MAP7D3: variants seen among roughly 807,000 people sequenced by gnomAD.
The protein encoded by MAP7D3 is MAP7 domain containing 3.
MAP7D3 carries 45 observed loss-of-function variants against 62.2 expected under a neutral mutation model. The observed-to-expected ratio is 0.72, with a 90% CI of 0.57 to 0.93. The LOEUF is 0.93. MAP7D3 is among the 40% of genes least tolerant of loss of function. The pLI, the probability that MAP7D3 is intolerant of heterozygous loss-of-function variation, is 0.00. For synonymous variants in MAP7D3, 288 were observed against 248.8 expected, an observed-to-expected ratio of 1.16 and a Z score of -1.48; for missense variants, 711 against 683.1, an observed-to-expected ratio of 1.04 and a Z score of -0.45.
chrX:136,215,439 T>G (rs1230287294), downstream of MAP7D3, among the ~76,000 whole-genome samples: 3 of 112,159 alleles, frequency 2.7e-5, no homozygotes, highest in Non-Finnish European at 5.6e-5. Flanking sequence ...GAGAGTCTAA[T>G]GTCTGACGGT....
At chrX:136,252,607 G>A (rs1258436272), upstream of MAP7D3, among the ~76,000 whole-genome samples, 4 of 96,317 alleles carry the variant, frequency 4.2e-5, no homozygotes, top group Non-Finnish European at 8.2e-5. Context: ...AACCCGGGAG[G>A]TGGAGTTTGC....
intron 16 of MAP7D3, chrX:136,219,879 C>G (rs766652254): frequency 6.5e-6 from 3 of 459,849 alleles, no homozygotes; most frequent in Non-Finnish European, 1.1e-5. Context: ...CTAGGTCCCA[C>G]GGAAGCACCA....
At chrX:136,251,414 C>A, upstream of MAP7D3, 1 of 874,581 alleles carries the variant, frequency 1.1e-6, no homozygotes, top group South Asian at 3.1e-5. Context: ...CAGGCGTCGG[C>A]GCGGCCTCCG....
chrX:136,222,945 G>A (rs1438445613), intron 14 of MAP7D3, among the ~76,000 whole-genome samples: 1 of 109,478 alleles, frequency 9.1e-6, no homozygotes, highest in Non-Finnish European at 1.9e-5. Context: ...GGACTCGAGT[G>A]ATCTCCCGTC....
chrX:136,229,993 A>ATTTTT (rs1173283842), intron 10 of MAP7D3, among the ~76,000 whole-genome samples: 29 of 48,098 alleles, frequency 6.0e-4, no homozygotes, highest in Admixed American at 1.9e-3. Flanking sequence ...ATATATATAT[A>ATTTTT]TTTTTTTTTT....
At chrX:136,222,240 C>A (rs1475640966) in intron 15 of MAP7D3, among the ~76,000 whole-genome samples, 153 bp downstream of exon 15, 1 of 112,284 alleles carries the variant, frequency 8.9e-6, no homozygotes, top group African/African-American at 3.2e-5. Context: ...AATCTCATAT[C>A]CACTCTAGGA....
At chrX:136,236,175 C>A (rs909958919) in intron 7 of MAP7D3, 69 bp downstream of exon 7, 4 of 646,545 alleles carry the variant, frequency 6.2e-6, no homozygotes, top group Non-Finnish European at 7.0e-6. Flanking sequence ...ATTTTTCAAG[C>A]AATTCAATGT....
At chrX:136,251,662 A>C, upstream of MAP7D3, 2 of 437,241 alleles carry the variant, frequency 4.6e-6, no homozygotes, top group Non-Finnish European at 5.8e-6. Context: ...TGGCCCCCCC[A>C]ACATTCCTTT....
chrX:136,233,135 T>C (rs747594646), intron 7 of MAP7D3, among the ~76,000 whole-genome samples: 3 of 110,938 alleles, frequency 2.7e-5, no homozygotes, highest in Non-Finnish European at 3.8e-5. Flanking sequence ...ATTTTGGACA[T>C]AGAAGATGGA....
chrX:136,220,138 T>C (rs1300612304), intron 16 of MAP7D3, among the ~76,000 whole-genome samples: 3 of 111,786 alleles, frequency 2.7e-5, no homozygotes, highest in Non-Finnish European at 5.6e-5. Context: ...GACCTAACTT[T>C]TGACCTTGTT....
At position 136,227,509 on chromosome X, in the gene MAP7D3, G is replaced by A. The variant is rs1426819753; in HGVS notation, c.1887-78C>T. 4 of 668,945 alleles carry A rather than the reference G, an allele frequency of 6.0e-6. No homozygotes were observed. The African/African-American group carries it at 6.7e-5, about 11-fold the overall frequency. 55.1% of individuals were successfully genotyped at this position (668,945 alleles called of 1,213,427 possible). A position where few individuals can be genotyped will look rare whatever the true frequency, so the allele number is the denominator to read the frequency against. On this transcript the variant is annotated intron_variant, in intron 11 of 18. Transcript: ENST00000316077. ...GCTTGCACTAGTGAGTTTTTATAGT[G>A]AAACTTCCTGTGTATAGTAATATAA...
downstream of MAP7D3, among the ~76,000 whole-genome samples, chrX:136,215,998 C>T (rs2074058703): frequency 9.0e-6 from 1 of 111,243 alleles, no homozygotes; most frequent in African/African-American, 3.3e-5. Context: ...GATAGCTGCA[C>T]AGCCTTGTGA....
chrX:136,252,698 A>C (rs1216494208), upstream of MAP7D3, among the ~76,000 whole-genome samples: 1 of 69,143 alleles, frequency 1.4e-5, no homozygotes, highest in Non-Finnish European at 3.2e-5. Context: ...AAAAAAAAAA[A>C]AGAAAAGAAA....
upstream of MAP7D3, among the ~76,000 whole-genome samples, chrX:136,251,878 T>C (rs970867249): frequency 4.5e-5 from 5 of 111,454 alleles, no homozygotes; most frequent in African/African-American, 1.3e-4. Flanking sequence ...AGGGGCCCCA[T>C]CATGAGTAGG....
intron 7 of MAP7D3, among the ~76,000 whole-genome samples, chrX:136,233,828 T>TTACA (rs1289957176): frequency 1.8e-5 from 2 of 110,979 alleles, no homozygotes; most frequent in Non-Finnish European, 3.8e-5. Context: ...AGCATTTTAT[T>TTACA]TACATATCTA....
upstream of MAP7D3, among the ~76,000 whole-genome samples, chrX:136,252,956 G>C (rs1160418904): frequency 9.1e-6 from 1 of 109,484 alleles, no homozygotes; most frequent in Non-Finnish European, 1.9e-5. Context: ...AAATTAGCTG[G>C]GCGTCGTGGC....
intron 14 of MAP7D3, among the ~76,000 whole-genome samples, chrX:136,224,410 A>G (rs1246852592): frequency 2.8e-5 from 3 of 108,448 alleles, no homozygotes; most frequent in Non-Finnish European, 5.7e-5. Context: ...AAAAAAAAAA[A>G]GAGAGAAATG....
chrX:136,232,287 C>T (rs960805129), intron 7 of MAP7D3, 67 bp from the exon 8 acceptor site: 3 of 744,687 alleles, frequency 4.0e-6, no homozygotes, highest in African/African-American at 4.2e-5. Context: ...GCACCAGGTA[C>T]ACAGTATAAG....
Position 136,217,906 on chromosome X carries a change from T to C in MAP7D3, c.*620A>G. The stretch of plus-strand genomic sequence containing the variant: ...CTATCTCTACTAAAATACAAAAAAA[T>C]TAGCCAGGTGTGGTGGCACATGCCT... On this transcript the variant is annotated 3_prime_UTR_variant, in exon 19 of 19. Transcript: ENST00000316077. The C allele has an allele frequency of 9.1e-6, 1 of 109,911 alleles. No individual in the cohort carries two copies. Among genetic ancestry groups the C allele is most frequent in the Non-Finnish European group, 1.9e-5 (1 of 52,658 alleles). The allele number at this position is 109,911 out of a possible 1,213,427, so 9.1% of individuals were successfully genotyped here. A position where few individuals can be genotyped will look rare whatever the true frequency, so the allele number is the denominator to read the frequency against.
Sources: allele counts gnomAD v4.1 joint callset (sites outside exome capture counted in the v4.1 genomes callset), GRCh38; gene constraint gnomAD v4.1.1; transcripts MANE v1.5; gene names NCBI Gene and HGNC (gene_info 2026-07-23, HGNC 2026-07-21).